STRADA: variants seen among roughly 807,000 people sequenced by gnomAD.
The protein encoded by STRADA is STE20-related kinase adapter protein alpha.
STRADA carries 26 observed loss-of-function variants against 55.0 expected under a neutral mutation model. The ratio of observed to expected loss-of-function variants is 0.47; its 90% confidence interval spans 0.35 to 0.66. The LOEUF (loss-of-function observed/expected upper bound fraction) is 0.66. Among genes scored for constraint, STRADA ranks in the 30% least tolerant of loss-of-function variants. The probability of loss-of-function intolerance (pLI) is 0.01; values close to 1 mark genes in which losing one functional copy is unlikely to be tolerated. For synonymous variants in STRADA, 197 were observed against 210.9 expected (o/e 0.93, Z 0.57); for missense variants, 443 against 549.7 (o/e 0.81, Z 1.94).
intron 2 of STRADA, chr17:63,728,048 A>G (rs1455332449): frequency 9.1e-6 from 3 of 328,212 alleles, no homozygotes; most frequent in Non-Finnish European, 1.7e-5. Context: ...ACTTAAAAGT[A>G]TCATCGACTC....
chr17:63,711,060 A>G, intron 6 of STRADA: 3 of 548,304 alleles, frequency 5.5e-6, no homozygotes, highest in Admixed American at 3.3e-5. Context: ...GGAAACTGCC[A>G]ACAACAAAGG....
At chr17:63,740,132 A>C in intron 1 of STRADA, among the ~76,000 whole-genome samples, 1 of 43,016 alleles carries the variant, frequency 2.3e-5, no homozygotes, top group Non-Finnish European at 3.9e-5. Flanking sequence ...ATATATACAC[A>C]TACATATATA....
intron 3 of STRADA, among the ~76,000 whole-genome samples, chr17:63,725,153 A>C (rs944765704): frequency 6.6e-6 from 1 of 151,610 alleles, no homozygotes; most frequent in Admixed American, 6.6e-5. Flanking sequence ...AATCTCTTGA[A>C]CCCGGGAGGC....
At chr17:63,713,058 A>G (rs1222859579) in intron 6 of STRADA, among the ~76,000 whole-genome samples, 2 of 151,910 alleles carry the variant, frequency 1.3e-5, no homozygotes, top group Non-Finnish European at 2.9e-5. Flanking sequence ...GGAGGCTGAG[A>G]GCCAGAAGAT....
chr17:63,738,921 G>A (rs1233540073), intron 1 of STRADA, among the ~76,000 whole-genome samples: 1 of 151,990 alleles, frequency 6.6e-6, no homozygotes. Context: ...GGAGGCAGAG[G>A]CGGGCAGATC....
chr17:63,735,964 T>C (rs1025337264), intron 1 of STRADA, among the ~76,000 whole-genome samples: 5 of 151,864 alleles, frequency 3.3e-5, no homozygotes, highest in Non-Finnish European at 7.4e-5. Context: ...TGAGACGGAG[T>C]CTGGCTCTGT....
intron 4 of STRADA, among the ~76,000 whole-genome samples, chr17:63,721,482 G>C: frequency 6.6e-6 from 1 of 151,728 alleles, no homozygotes. Context: ...ACTTTGGGAG[G>C]CTGAGTAGGG....
chr17:63,723,163 A>G, intron 4 of STRADA, 135 bp downstream of exon 4: 4 of 1,122,680 alleles, frequency 3.6e-6, no homozygotes, highest in Non-Finnish European at 5.3e-6. Flanking sequence ...CACAAGTACA[A>G]AAATCACACT....
At chr17:63,704,298 C>T in intron 11 of STRADA, 43 bp downstream of exon 11, 1 of 1,606,792 alleles carries the variant, frequency 6.2e-7, no homozygotes, top group Non-Finnish European at 8.5e-7. Context: ...CTCCTGAGCA[C>T]CCTCTGCTCT....
chr17:63,716,181 C>T (rs978773580), intron 4 of STRADA, among the ~76,000 whole-genome samples: 3 of 151,422 alleles, frequency 2.0e-5, no homozygotes, highest in Admixed American at 1.3e-4. Flanking sequence ...ATGCAAGCTC[C>T]GCCTCCTGGG....
In STRADA at chr17:63,706,560, G is replaced by C. The variant is rs186767603; in HGVS notation, c.858+75C>G. The C allele has an allele frequency of 3.9e-3, 4,065 of 1,033,092 alleles. 12 individuals are homozygous for C. The highest frequency in any genetic ancestry group is 5.1e-3 in the Non-Finnish European group (3,395 of 670,958). The allele number at this position is 1,033,092 out of a possible 1,614,324, so 64.0% of individuals were successfully genotyped here. A position where few individuals can be genotyped will look rare whatever the true frequency, so the allele number is the denominator to read the frequency against. ...TCTTAGTATTCCTAGTCTGTGTCCT[G>C]AGTGTGAGAGCTACTCAACGAACAT... On this transcript the variant is annotated intron_variant, in intron 10 of 12. Transcript: ENST00000336174.
At chr17:63,720,805 T>G (rs1449039185) in intron 4 of STRADA, among the ~76,000 whole-genome samples, 1 of 130,076 alleles carries the variant, frequency 7.7e-6, no homozygotes, top group African/African-American at 2.9e-5. Context: ...AAAAAGAAAA[T>G]AAAGTTCTTG....
chr17:63,728,321 GA>G lies in STRADA; in HGVS notation c.36+12del, dbSNP rs768399404. 2.1e-5 allele frequency: 34 copies of G among 1,612,832 alleles called. No individual in the cohort carries two copies. Among genetic ancestry groups the G allele is most frequent in the Non-Finnish European group, 2.9e-5 (34 of 1,179,600 alleles). The stretch of plus-strand genomic sequence containing the variant: ...CAAAAATAGTAAAGCCAGAAGAATA[GA>G]AAAACACTCACCCTGATTCGCTCTG... On this transcript the variant is annotated intron_variant, in intron 2 of 12. Transcript: ENST00000336174.
At chr17:63,728,008 A>AT (rs1469006849) in intron 2 of STRADA, 33 of 194,534 alleles carry the variant, frequency 1.7e-4, no homozygotes, top group Non-Finnish European at 3.2e-4. Context: ...TCACAACCTC[A>AT]CGGGGGGTCA....
Position 63,735,305 on chromosome 17 carries a change from A to G in STRADA, c.-45+6436T>C, listed in dbSNP as rs749983137. Reference sequence around the variant, plus strand: ...GGGTGACAATATGGCGTAGTAAAAAAAGCACATACTCTGAAATAAGACGAG... The same window carrying G: ...GGGTGACAATATGGCGTAGTAAAAAGAGCACATACTCTGAAATAAGACGAG... On this transcript the variant is annotated intron_variant, in intron 1 of 12. Transcript: ENST00000336174. Among the ~76,000 whole-genome samples, 9 of 152,230 alleles carry G rather than the reference A, an allele frequency of 5.9e-5. 1 individual carries two copies. Among genetic ancestry groups the G allele is most frequent in the Non-Finnish European group, 1.3e-4 (9 of 68,044 alleles).
intron 1 of STRADA, among the ~76,000 whole-genome samples, chr17:63,734,518 C>A (rs1690781985): frequency 1.3e-5 from 2 of 152,102 alleles, no homozygotes; most frequent in South Asian, 4.2e-4. Context: ...GTGGCACTGG[C>A]CTGTAATTGC....
intron 1 of STRADA, among the ~76,000 whole-genome samples, chr17:63,740,145 T>TACACACACACACAC (rs753964028): frequency 7.0e-5 from 3 of 42,890 alleles, no homozygotes; most frequent in African/African-American, 2.5e-4. Flanking sequence ...CATATATATA[T>TACACACACACACAC]ATACACACAC....
Position 63,728,328 on chromosome 17 carries a change from A to G in STRADA, c.36+6T>C. 1 of 1,613,270 alleles carries G rather than the reference A, an allele frequency of 6.2e-7. No individual in the cohort carries two copies. Among genetic ancestry groups the G allele is most frequent in the Non-Finnish European group, 8.5e-7 (1 of 1,179,710 alleles). On this transcript the variant is annotated splice_donor_region_variant and intron_variant, in intron 2 of 12. Transcript: ENST00000336174. ...AGTAAAGCCAGAAGAATAGAAAAAC[A>G]CTCACCCTGATTCGCTCTGGTTTAC... is the stretch of plus-strand genomic sequence containing the variant.
intron 3 of STRADA, among the ~76,000 whole-genome samples, chr17:63,725,404 T>G (rs1370075722): frequency 1.3e-5 from 2 of 151,960 alleles, no homozygotes; most frequent in East Asian, 3.9e-4. Context: ...CAGGCTGGAG[T>G]GCAATGGCGT....
Sources: allele counts gnomAD v4.1 joint callset (sites outside exome capture counted in the v4.1 genomes callset), GRCh38; gene constraint gnomAD v4.1.1; transcripts MANE v1.5; gene names NCBI Gene and HGNC (gene_info 2026-07-23, HGNC 2026-07-21).